Variants in GULP1 observed in about 807,000 individuals in gnomAD.
GULP1 encodes the protein GULP PTB domain containing engulfment adaptor 1.
GULP1 carries 19 observed loss-of-function variants against 40.9 expected under a neutral mutation model. The observed-to-expected ratio is 0.46, with a 90% CI of 0.32 to 0.68. The LOEUF (loss-of-function observed/expected upper bound fraction) is 0.68. GULP1 is among the 30% of genes least tolerant of loss of function. The pLI, the probability that GULP1 is intolerant of heterozygous loss-of-function variation, is 0.03. For synonymous variants in GULP1, 119 were observed against 117.6 expected, an observed-to-expected ratio of 1.01 and a Z score of -0.08; for missense variants, 312 against 362.2, an observed-to-expected ratio of 0.86 and a Z score of 1.12.
intron 1 of GULP1, among the ~76,000 whole-genome samples, chr2:188,343,320 G>A (rs1000216988): frequency 2.0e-5 from 3 of 151,734 alleles, no homozygotes; most frequent in Non-Finnish European, 4.4e-5. Context: ...AGAAGGATAG[G>A]TGATCTATAC....
At chr2:188,399,711 A>AAC (rs2051900633) in intron 2 of GULP1, among the ~76,000 whole-genome samples, 3 of 150,582 alleles carry the variant, frequency 2.0e-5, no homozygotes, top group Admixed American at 2.0e-4. Context: ...AAAAAAAAAA[A>AAC]AAACATCAAA....
intron 1 of GULP1, among the ~76,000 whole-genome samples, chr2:188,375,903 C>T (rs2048234715): frequency 6.6e-6 from 1 of 151,950 alleles, no homozygotes; most frequent in Non-Finnish European, 1.5e-5. Flanking sequence ...GGATTGATTC[C>T]AGGGCCACCA....
chr2:188,304,249 CT>C (rs2036654541), intron 1 of GULP1, among the ~76,000 whole-genome samples: 2 of 152,126 alleles, frequency 1.3e-5, no homozygotes, highest in Admixed American at 1.3e-4. Flanking sequence ...AGCACCCTTC[CT>C]TAATTTGTCT....
intron 4 of GULP1, among the ~76,000 whole-genome samples, chr2:188,492,290 A>C (rs957612465): frequency 2.5e-4 from 38 of 152,116 alleles, no homozygotes; most frequent in African/African-American, 7.7e-4. Context: ...AATATGTGCT[A>C]ATTATTAAAA....
At chr2:188,453,694 G>A (rs1017991467) in intron 2 of GULP1, among the ~76,000 whole-genome samples, 1 of 152,154 alleles carries the variant, frequency 6.6e-6, no homozygotes, top group Admixed American at 6.5e-5. Flanking sequence ...CTTTTTCTCT[G>A]CATAACTTGC....
chr2:188,343,087 A>G (rs971546825), intron 1 of GULP1, among the ~76,000 whole-genome samples: 4 of 152,188 alleles, frequency 2.6e-5, no homozygotes, highest in Admixed American at 6.5e-5. Context: ...GAAAAGACAA[A>G]GACACACTAA....
At chr2:188,364,601 G>C (rs2046502787) in intron 1 of GULP1, among the ~76,000 whole-genome samples, 1 of 151,756 alleles carries the variant, frequency 6.6e-6, no homozygotes, top group African/African-American at 2.4e-5. Flanking sequence ...GTAACCTATG[G>C]TTTGCGGTTT....
At chr2:188,545,228 G>T (rs6707212) in intron 7 of GULP1, among the ~76,000 whole-genome samples, 131,321 of 151,476 alleles carry the variant, frequency 0.87, 58,912 homozygotes, top group South Asian at 0.99. Flanking sequence ...TAAATGAATG[G>T]CTAAAGGAAG....
chr2:188,394,028 C>T (rs536187525), intron 2 of GULP1, among the ~76,000 whole-genome samples: 4 of 152,238 alleles, frequency 2.6e-5, no homozygotes, highest in Admixed American at 6.5e-5. Flanking sequence ...CAATAAATCT[C>T]CCAGGAGTTC....
intron 2 of GULP1, among the ~76,000 whole-genome samples, chr2:188,390,135 C>T (rs1395994522): frequency 1.3e-5 from 2 of 152,012 alleles, no homozygotes; most frequent in African/African-American, 4.8e-5. Flanking sequence ...TGGGTAGATA[C>T]CCAGTAGTGG....
chr2:188,422,210 T>A (rs759962170), intron 2 of GULP1, among the ~76,000 whole-genome samples: 1 of 151,526 alleles, frequency 6.6e-6, no homozygotes, highest in Non-Finnish European at 1.5e-5. Context: ...AAAATTCTCC[T>A]AATTTTTTTC....
chr2:188,574,595 G>A (rs1699793140), intron 9 of GULP1, among the ~76,000 whole-genome samples: 1 of 152,140 alleles, frequency 6.6e-6, no homozygotes, highest in Admixed American at 6.6e-5. Context: ...GTTGCAATGA[G>A]CCGTGATCAT....
intron 11 of GULP1, chr2:188,590,989 T>G (rs1332150054): frequency 2.0e-5 from 3 of 151,972 alleles, no homozygotes; most frequent in African/African-American, 7.2e-5. Context: ...GAAAAGAAAA[T>G]TTTATAAGGA....
At chr2:188,355,601 A>G (rs183070688) in intron 1 of GULP1, among the ~76,000 whole-genome samples, 28 of 152,208 alleles carry the variant, frequency 1.8e-4, no homozygotes, top group African/African-American at 5.5e-4. Context: ...AAACTTGTAA[A>G]GAAGAAATAA....
intron 2 of GULP1, among the ~76,000 whole-genome samples, chr2:188,461,091 G>GT (rs764699496): frequency 6.6e-6 from 1 of 152,018 alleles, no homozygotes; most frequent in Admixed American, 6.6e-5. Context: ...TTGGCCTATA[G>GT]TTTTTTATTT....
intron 1 of GULP1, among the ~76,000 whole-genome samples, chr2:188,357,692 A>G (rs777701675): frequency 2.0e-5 from 3 of 152,130 alleles, no homozygotes; most frequent in Non-Finnish European, 4.4e-5. Flanking sequence ...CAGTCTCACT[A>G]CTGGGTATAT....
chr2:188,519,119 C>T (rs766993529), intron 4 of GULP1, among the ~76,000 whole-genome samples: 1 of 152,034 alleles, frequency 6.6e-6, no homozygotes, highest in South Asian at 2.1e-4. Flanking sequence ...TATAGGTTTT[C>T]TAACATTACA....
chr2:188,573,907 A>G (rs2153440515), intron 9 of GULP1, among the ~76,000 whole-genome samples: 1 of 152,314 alleles, frequency 6.6e-6, no homozygotes, highest in South Asian at 2.1e-4. Context: ...CCAGCCCAAG[A>G]CAGGTCTTGA....
chr2:188,359,204 T>C (rs2045764195), intron 1 of GULP1, among the ~76,000 whole-genome samples: 1 of 152,120 alleles, frequency 6.6e-6, no homozygotes, highest in Admixed American at 6.6e-5. Context: ...CATTTCATTA[T>C]TTTTTAACAT....
Sources: allele counts gnomAD v4.1 joint callset (sites outside exome capture counted in the v4.1 genomes callset), GRCh38; gene constraint gnomAD v4.1.1; transcripts MANE v1.5; gene names NCBI Gene and HGNC (gene_info 2026-07-23, HGNC 2026-07-21).